Variants in SPAG16 observed in about 807,000 individuals in gnomAD.
The protein encoded by SPAG16 is sperm associated antigen 16, also known as sperm-associated antigen 16 protein.
Under a neutral mutation model 80.4 loss-of-function variants are expected in SPAG16, and 86 were observed. That is an observed-to-expected ratio of 1.07 (90% CI 0.90 to 1.28). The LOEUF (loss-of-function observed/expected upper bound fraction) is 1.28, where lower values mean the gene tolerates loss of function less well. Among genes scored for constraint, SPAG16 ranks in the 50% most tolerant of loss-of-function variants. SPAG16 has a pLI of 0.00. For synonymous variants in SPAG16, 294 were observed against 265.9 expected (o/e 1.11, Z -1.03); for missense variants, 870 against 765.3 (o/e 1.14, Z -1.61).
chr2:214,388,814 C>T (rs1339875571), intron 15 of SPAG16, among the ~76,000 whole-genome samples: 2 of 152,122 alleles, frequency 1.3e-5, no homozygotes, highest in Non-Finnish European at 2.9e-5. Context: ...GAATATACCA[C>T]ATATATTGGT....
At chr2:214,062,437 A>G (rs971597100) in intron 13 of SPAG16, among the ~76,000 whole-genome samples, 6 of 150,508 alleles carry the variant, frequency 4.0e-5, no homozygotes, top group Non-Finnish European at 7.4e-5. Flanking sequence ...AAAAAAAAAA[A>G]AAAAAAAGAA....
chr2:214,252,440 C>G (rs1690361199), intron 15 of SPAG16, among the ~76,000 whole-genome samples: 1 of 151,434 alleles, frequency 6.6e-6, no homozygotes, highest in Admixed American at 6.6e-5. Flanking sequence ...TGCTATCCCT[C>G]CCCTAGCCCC....
At chr2:213,761,984 A>G (rs747161690) in intron 10 of SPAG16, among the ~76,000 whole-genome samples, 6 of 152,214 alleles carry the variant, frequency 3.9e-5, no homozygotes, top group Admixed American at 6.5e-5. Flanking sequence ...TCTGCAACAT[A>G]TTAATGTATG....
At chr2:213,780,142 C>T (rs2069852181) in intron 10 of SPAG16, among the ~76,000 whole-genome samples, 3 of 152,214 alleles carry the variant, frequency 2.0e-5, no homozygotes, top group Admixed American at 2.0e-4. Flanking sequence ...CTTGCTTTGG[C>T]TGCTCTTCAG....
chr2:214,281,101 C>T, intron 15 of SPAG16: 1 of 393,178 alleles, frequency 2.5e-6, no homozygotes, highest in South Asian at 2.2e-5. Context: ...CTCCACTTGG[C>T]CTTCATAGAT....
chr2:213,535,395 A>C (rs1000773360), intron 10 of SPAG16, among the ~76,000 whole-genome samples: 2 of 152,148 alleles, frequency 1.3e-5, no homozygotes, highest in African/African-American at 2.4e-5. Flanking sequence ...TGGGAAATAT[A>C]AAAAAGACAC....
In SPAG16 at chr2:214,005,329, C is replaced by G. The variant is rs548152574; in HGVS notation, c.1401-8622C>G. ...TACTATGATCATTTTATTTGTTCACCTTTTGCTTTTAGACCCAAGATCCTG... is the reference window on the plus strand; with the variant it reads ...TACTATGATCATTTTATTTGTTCACGTTTTGCTTTTAGACCCAAGATCCTG... On this transcript the variant is annotated intron_variant, in intron 12 of 15. Transcript: ENST00000331683. Among the ~76,000 whole-genome samples the G allele has an allele frequency of 1.7e-4, 26 of 152,264 alleles. 1 individual carries two copies. The South Asian group carries it at 4.8e-3, about 28-fold the overall frequency.
intron 15 of SPAG16, among the ~76,000 whole-genome samples, chr2:214,188,651 A>G (rs1402083027): frequency 6.6e-6 from 1 of 152,124 alleles, no homozygotes; most frequent in Non-Finnish European, 1.5e-5. Flanking sequence ...CAGAGGTGAG[A>G]TATCTTTACT....
intron 13 of SPAG16, among the ~76,000 whole-genome samples, chr2:214,082,715 A>C (rs1368031943): frequency 2.6e-5 from 4 of 152,206 alleles, no homozygotes; most frequent in Non-Finnish European, 4.4e-5. Flanking sequence ...TAATGGGAGA[A>C]GGCCTTAACA....
At chr2:213,401,546 T>C (rs1285459735) in intron 9 of SPAG16, among the ~76,000 whole-genome samples, 3 of 152,226 alleles carry the variant, frequency 2.0e-5, no homozygotes. Flanking sequence ...AAAAATCTCC[T>C]TTAAAAAGCT....
chr2:214,015,546 C>T (rs563343720), intron 13 of SPAG16, among the ~76,000 whole-genome samples: 70 of 149,884 alleles, frequency 4.7e-4, no homozygotes, highest in Non-Finnish European at 5.7e-4. Context: ...TGCAGTGAGC[C>T]GAAATCATGC....
intron 14 of SPAG16, among the ~76,000 whole-genome samples, chr2:214,122,764 C>CATCAT (rs2054282925): frequency 6.6e-6 from 1 of 151,876 alleles, no homozygotes; most frequent in African/African-American, 2.4e-5. Context: ...TTATTCATTA[C>CATCAT]TGCACCAAGA....
rs541312970 is a variant in SPAG16 at position 213,310,863 on chromosome 2, G to T, written c.398+686G>T. Among the ~76,000 whole-genome samples the T allele has an allele frequency of 2.0e-5, 3 of 151,798 alleles. No individual in the cohort carries two copies. In the East Asian group the frequency reaches 5.8e-4, roughly 29 times the overall value. The stretch of plus-strand genomic sequence containing the variant: ...TTATTAAATGATTAGCTATGAAAAT[G>T]TATTTGAACTTTAATAGCTATTGCA... On this transcript the variant is annotated intron_variant, in intron 4 of 15. Transcript: ENST00000331683.
chr2:213,366,361 A>G (rs1263208394), intron 8 of SPAG16, among the ~76,000 whole-genome samples: 2 of 152,114 alleles, frequency 1.3e-5, no homozygotes, highest in Non-Finnish European at 2.9e-5. Flanking sequence ...CCTGAACACA[A>G]TGTGTTGAAA....
At chr2:213,845,413 G>T (rs568228707) in intron 10 of SPAG16, among the ~76,000 whole-genome samples, 1 of 152,076 alleles carries the variant, frequency 6.6e-6, no homozygotes, top group African/African-American at 2.4e-5. Flanking sequence ...GGCCAGGATC[G>T]TCTCGGTATC....
chr2:213,979,025 A>G (rs1271659611), intron 12 of SPAG16, among the ~76,000 whole-genome samples: 1 of 152,072 alleles, frequency 6.6e-6, no homozygotes, highest in Non-Finnish European at 1.5e-5. Flanking sequence ...AGGACGGAAA[A>G]TAATATCTCT....
In SPAG16 at chr2:213,764,098, T is replaced by G. The variant is rs145163695; in HGVS notation, c.1071-98387T>G. Among the ~76,000 whole-genome samples the G allele has an allele frequency of 6.7e-4, 102 of 152,324 alleles. 1 individual carries two copies. The highest frequency in any genetic ancestry group is 2.1e-3 in the African/African-American group (88 of 41,564). On this transcript the variant is annotated intron_variant, in intron 10 of 15. Coordinates refer to ENST00000331683, the MANE Select transcript of SPAG16 (RefSeq NM_024532.5). ...TTGCTCCTAAGTGTTACACAAATATTAGTTAGATATCTTGTGAGTTAATTA... is the reference window on the plus strand; with the variant it reads ...TTGCTCCTAAGTGTTACACAAATATGAGTTAGATATCTTGTGAGTTAATTA...
chr2:213,840,757 G>C (rs2074321797), intron 10 of SPAG16, among the ~76,000 whole-genome samples: 1 of 152,112 alleles, frequency 6.6e-6, no homozygotes. Context: ...GTCTTCTGGA[G>C]GAACAACCTG....
chr2:214,037,464 C>A (rs2048758016), intron 13 of SPAG16, among the ~76,000 whole-genome samples: 1 of 151,834 alleles, frequency 6.6e-6, no homozygotes. Context: ...TTTAAGAATG[C>A]CCAATGAATG....
Sources: allele counts gnomAD v4.1 joint callset (sites outside exome capture counted in the v4.1 genomes callset), GRCh38; gene constraint gnomAD v4.1.1; transcripts MANE v1.5; gene names NCBI Gene and HGNC (gene_info 2026-07-23, HGNC 2026-07-21).